Variants in GSTA2 observed in about 807,000 individuals in gnomAD.
GSTA2 encodes the protein glutathione S-transferase alpha 2, also known as glutathione S-transferase A2.
GSTA2 carries 27 observed loss-of-function variants against 22.4 expected under a neutral mutation model. The observed-to-expected ratio is 1.21, with a 90% CI of 0.89 to 1.67. GSTA2 has a LOEUF of 1.67. GSTA2 is among the 40% of genes most tolerant of loss of function. The pLI is 0.00. For missense variants in GSTA2, 302 were observed against 260.2 expected (o/e 1.16, Z -1.11); for synonymous variants, 121 against 86.8 (o/e 1.39, Z -2.19).
chr6:52,754,969 A>T lies in GSTA2; in HGVS notation c.246T>A (p.Tyr82Ter), dbSNP rs372277935. 98 of 1,614,050 alleles carry T rather than the reference A, an allele frequency of 6.1e-5. No homozygotes were observed. Among genetic ancestry groups the T allele is most frequent in the Admixed American group, 2.2e-4 (13 of 60,018 alleles). Residue 82 changes from tyrosine to a stop codon, truncating the protein, a stop_gained, in exon 4 of 7, where the codon TAT (tyrosine) becomes TAA (stop). Coordinates refer to ENST00000493422, the MANE Select transcript of GSTA2 (RefSeq NM_000846.5). LOFTEE classifies it high-confidence loss of function. ...GGGCTTTCTCCTTTATGTCTTTCCCATAGAGGTTGTATTTGCTGGCAATGT... is the reference window on the plus strand; with the variant it reads ...GGGCTTTCTCCTTTATGTCTTTCCCTTAGAGGTTGTATTTGCTGGCAATGT... The part of the protein sequence containing the change: ...LNYIASKYNL[Y>*]GKDIKEKALI...
intron 1 of GSTA2, among the ~76,000 whole-genome samples, chr6:52,761,759 A>G (rs1305363592): frequency 6.6e-6 from 1 of 150,492 alleles, no homozygotes; most frequent in African/African-American, 2.4e-5. Context: ...CAAGGTCTAG[A>G]GACATTTTGG....
chr6:52,755,990 A>G (rs73740531), intron 3 of GSTA2, among the ~76,000 whole-genome samples: 2,663 of 152,190 alleles, frequency 0.017, 85 homozygotes, highest in African/African-American at 0.06. Context: ...CACTCACAGT[A>G]CCCCAAGCAT....
chr6:52,759,922 A>T (rs1209899394), intron 1 of GSTA2, among the ~76,000 whole-genome samples: 1 of 152,214 alleles, frequency 6.6e-6, no homozygotes, highest in African/African-American at 2.4e-5. Context: ...CATGATTAAA[A>T]TTAGGCATCA....
chr6:52,756,425 A>C (rs1464652979), intron 2 of GSTA2, 116 bp from the exon 3 acceptor site: 2 of 842,646 alleles, frequency 2.4e-6, no homozygotes, highest in African/African-American at 3.4e-5. Context: ...TGAGTTTGGC[A>C]GGGTACACAG....
intron 1 of GSTA2, among the ~76,000 whole-genome samples, chr6:52,759,444 C>T (rs73740546): frequency 0.018 from 2,727 of 151,836 alleles, 88 homozygotes; most frequent in African/African-American, 0.061. Flanking sequence ...GGAATAGTTG[C>T]GTTTTATCAC....
intron 1 of GSTA2, among the ~76,000 whole-genome samples, chr6:52,758,578 G>A (rs753343723): frequency 1.8e-4 from 28 of 152,270 alleles, no homozygotes; most frequent in Middle Eastern, 6.8e-3. Context: ...AGGGAGGACC[G>A]GCTGGGAGCT....
rs533302795 is a variant in GSTA2 at position 52,762,194 on chromosome 6, A to C, written c.-31+1250T>G. ...AGGTTTCTCCCCATGTGATAGTCTG[A>C]AATATGGCCTCGTGGGAAGGGAAAG... On this transcript the variant is annotated intron_variant, in intron 1 of 6. Coordinates refer to ENST00000493422, the MANE Select transcript of GSTA2 (RefSeq NM_000846.5). Among the ~76,000 whole-genome samples the C allele has an allele frequency of 5.0e-3, 758 of 152,298 alleles. 5 individuals carry two copies. The highest frequency in any genetic ancestry group is 6.5e-3 in the Non-Finnish European group (443 of 68,028).
At chr6:52,754,100 G>A (rs553917788) in intron 4 of GSTA2, among the ~76,000 whole-genome samples, 56 of 152,250 alleles carry the variant, frequency 3.7e-4, no homozygotes, top group African/African-American at 1.1e-3. Flanking sequence ...TGGCTAAGGC[G>A]CATTTTTCTC....
At chr6:52,751,006 A>G (rs777791559) in intron 6 of GSTA2, among the ~76,000 whole-genome samples, 9 of 152,234 alleles carry the variant, frequency 5.9e-5, no homozygotes, top group Admixed American at 1.3e-4. Flanking sequence ...TGCTTGTTTG[A>G]TATCAGCACA....
At chr6:52,756,097 C>T (rs1025812657) in intron 3 of GSTA2, among the ~76,000 whole-genome samples, 161 bp downstream of exon 3, 48 of 152,148 alleles carry the variant, frequency 3.2e-4, no homozygotes, top group African/African-American at 1.1e-3. Flanking sequence ...AGTTGCCAGA[C>T]TTGCTCAAGG....
At chr6:52,751,749 C>A in intron 5 of GSTA2, 41 bp from the exon 6 acceptor site, 9 of 1,613,848 alleles carry the variant, frequency 5.6e-6, no homozygotes, top group Non-Finnish European at 7.6e-6. Context: ...ACATGCCCAC[C>A]CAGGCTGGGA....
chr6:52,751,851 T>C, intron 5 of GSTA2, 143 bp from the exon 6 acceptor site: 1 of 1,185,532 alleles, frequency 8.4e-7, no homozygotes, highest in East Asian at 2.4e-5. Context: ...TTCTCCACAT[T>C]ATCTGAATGA....
At chr6:52,755,853 T>G (rs1050968670) in intron 3 of GSTA2, among the ~76,000 whole-genome samples, 7 of 151,852 alleles carry the variant, frequency 4.6e-5, no homozygotes, top group Non-Finnish European at 8.8e-5. Flanking sequence ...CCAGTCCCAC[T>G]CCCCCCATGA....
At chr6:52,760,639 C>G (rs757548611) in intron 1 of GSTA2, among the ~76,000 whole-genome samples, 6 of 152,126 alleles carry the variant, frequency 3.9e-5, no homozygotes, top group Non-Finnish European at 7.4e-5. Flanking sequence ...CGGAGCTTTT[C>G]CACTCCACCT....
At position 52,757,747 on chromosome 6, in the gene GSTA2, C is replaced by A. The variant is rs537914633; in HGVS notation, c.87+114G>T. On this transcript the variant is annotated intron_variant, in intron 2 of 6. Transcript: ENST00000493422. Reference sequence around the variant, plus strand: ...TTCATCTTTTTCTTAATTACAGTCCCTTTTTATTTAAGGCACAATGCTTCA... The same window carrying A: ...TTCATCTTTTTCTTAATTACAGTCCATTTTTATTTAAGGCACAATGCTTCA... 286 of 925,548 alleles carry A rather than the reference C, an allele frequency of 3.1e-4. 1 individual carries two copies. The highest frequency in any genetic ancestry group is 2.1e-4 in the Middle Eastern group (1 of 4,656). 57.3% of individuals were successfully genotyped at this position (925,548 alleles called of 1,614,324 possible).
At chr6:52,751,238 T>C (rs1179207453) in intron 6 of GSTA2, among the ~76,000 whole-genome samples, 1 of 152,074 alleles carries the variant, frequency 6.6e-6, no homozygotes, top group Non-Finnish European at 1.5e-5. Context: ...TCAGACTGAC[T>C]CAATGTGGGC....
intron 6 of GSTA2, 115 bp from the exon 7 acceptor site, chr6:52,750,814 A>T: frequency 7.5e-7 from 1 of 1,328,954 alleles, no homozygotes; most frequent in Non-Finnish European, 1.0e-6. Flanking sequence ...AGTCGCTTCC[A>T]CTTGGGTGAA....
At position 52,752,994 on chromosome 6, in the gene GSTA2, T is replaced by C; in HGVS notation, c.274A>G (p.Ile92Val). ...YGKDIKEKAL[I>V]DMYIEGIADL... Reference sequence around the variant, plus strand: ...GCTATACCTTCTATATACATATCAATCCTGAAAGACAAAAACAACCAAATG... The same window carrying C: ...GCTATACCTTCTATATACATATCAACCCTGAAAGACAAAAACAACCAAATG... The change falls in exon 5 of 7, where the codon ATT becomes GTT. Residue 92 changes from isoleucine (I) to valine (V), a missense_variant and splice_region_variant. Transcript: ENST00000493422. 6.3e-7 allele frequency: 1 copy of C among 1,588,934 alleles called. No homozygotes were observed. The highest frequency in any genetic ancestry group is 8.6e-7 in the Non-Finnish European group (1 of 1,169,044).
At chr6:52,752,709 T>G (rs1008794115) in intron 5 of GSTA2, 145 bp downstream of exon 5, 16 of 977,354 alleles carry the variant, frequency 1.6e-5, no homozygotes, top group Middle Eastern at 2.2e-4. Context: ...TCTATTTTCA[T>G]AAAATGCCTT....
Sources: gnomAD v4.1 joint callset for allele counts (sites outside exome capture counted in the v4.1 genomes callset) on GRCh38, gnomAD v4.1.1 for gene constraint, MANE v1.5 for transcripts, NCBI Gene and HGNC (gene_info 2026-07-23, HGNC 2026-07-21) for gene names.